Variants in RUFY1 observed in about 807,000 individuals in gnomAD.
RUFY1 encodes RUN and FYVE domain containing 1.
RUFY1 carries 54 observed loss-of-function variants against 94.6 expected under a neutral mutation model. The ratio of observed to expected loss-of-function variants is 0.57; its 90% CI spans 0.46 to 0.72. The LOEUF is 0.72. Among genes scored for constraint, RUFY1 ranks in the 30% least tolerant of loss-of-function variants. The probability of loss-of-function intolerance (pLI) is 0.00; values close to 1 mark genes in which losing one functional copy is unlikely to be tolerated. For synonymous variants in RUFY1, 396 were observed against 347.3 expected (o/e 1.14, Z -1.56); for missense variants, 883 against 883.9 (o/e 1.00, Z 0.01).
intron 2 of RUFY1, among the ~76,000 whole-genome samples, chr5:179,561,697 T>TC (rs1762470732): frequency 1.7e-5 from 2 of 116,030 alleles, no homozygotes; most frequent in Non-Finnish European, 3.7e-5. Context: ...TTTTTTTTTT[T>TC]TTTTTTGAAG....
At chr5:179,584,448 T>C (rs1017302394) in intron 7 of RUFY1, among the ~76,000 whole-genome samples, 1 of 152,140 alleles carries the variant, frequency 6.6e-6, no homozygotes, top group African/African-American at 2.4e-5. Context: ...ATCTACCTCA[T>C]TGAATTGTGG....
intron 7 of RUFY1, among the ~76,000 whole-genome samples, chr5:179,581,343 G>A (rs552289884): frequency 6.6e-6 from 1 of 152,132 alleles, no homozygotes; most frequent in East Asian, 1.9e-4. Flanking sequence ...TCAGCACACA[G>A]CACCCAGTGC....
chr5:179,560,094 T>TG lies in RUFY1; in HGVS notation c.381dup (p.Leu128AlafsTer36), dbSNP rs763659370. ...ATGATGAAACTCAGCATCAAGGTGT[T>TG]GCTCCAGTCGGCTCTGAGCCTGGGC... On this transcript the variant is annotated frameshift_variant, in exon 2 of 18. Transcript: ENST00000319449. LOFTEE classifies it high-confidence loss of function. 6 of 1,614,102 alleles carry TG rather than the reference T, an allele frequency of 3.7e-6. No individual in the cohort carries two copies. The highest frequency in any genetic ancestry group is 1.7e-6 in the Non-Finnish European group (2 of 1,180,016).
At chr5:179,585,086 G>C (rs959018418) in intron 7 of RUFY1, among the ~76,000 whole-genome samples, 1 of 150,984 alleles carries the variant, frequency 6.6e-6, no homozygotes, top group African/African-American at 2.4e-5. Context: ...AGTTGAGCTC[G>C]CGCCACTGCA....
chr5:179,604,790 A>C (rs949822461), intron 15 of RUFY1, among the ~76,000 whole-genome samples: 2 of 148,970 alleles, frequency 1.3e-5, no homozygotes, highest in African/African-American at 5.0e-5. Context: ...AAGACCAGCC[A>C]GGCCAATATG....
intron 1 of RUFY1, 152 bp downstream of exon 1, chr5:179,551,031 G>T (rs1761812908): frequency 3.0e-6 from 2 of 670,340 alleles, no homozygotes; most frequent in South Asian, 6.7e-5. Flanking sequence ...CTGCGCCTGG[G>T]TCTTTACTCC....
At position 179,585,869 on chromosome 5, in the gene RUFY1, T is replaced by C. The variant is rs1450366663; in HGVS notation, c.1026+4T>C. ...TAACTCAAAGCTTCAAGAAGAGGTTTGTAAGTTTTATTGAAATTTTTAGAC... is the reference window on the plus strand; with the variant it reads ...TAACTCAAAGCTTCAAGAAGAGGTTCGTAAGTTTTATTGAAATTTTTAGAC... On this transcript the variant is annotated splice_donor_region_variant and intron_variant, in intron 8 of 17. Transcript: ENST00000319449. 1 of 1,611,310 alleles carries C rather than the reference T, an allele frequency of 6.2e-7. No individual in the cohort carries two copies. The highest frequency in any genetic ancestry group is 8.5e-7 in the Non-Finnish European group (1 of 1,177,482).
At chr5:179,568,988 A>G (rs1010198348) in intron 4 of RUFY1, 1 of 956,560 alleles carries the variant, frequency 1.0e-6, no homozygotes, top group Admixed American at 6.2e-5. Flanking sequence ...ACAGAACAGG[A>G]GCCAGTGGAG....
At chr5:179,596,742 G>A (rs1434439505) in intron 13 of RUFY1, 61 bp downstream of exon 13, 3 of 1,382,880 alleles carry the variant, frequency 2.2e-6, no homozygotes, top group Non-Finnish European at 2.8e-6. Flanking sequence ...GGAAGAACTG[G>A]GGACAGGTGG....
chr5:179,558,637 C>G (rs1762230180), intron 1 of RUFY1, among the ~76,000 whole-genome samples: 1 of 152,004 alleles, frequency 6.6e-6, no homozygotes, highest in African/African-American at 2.4e-5. Flanking sequence ...TTAACCCTCT[C>G]CACAACCAAG....
intron 14 of RUFY1, among the ~76,000 whole-genome samples, chr5:179,600,653 A>C (rs959543087): frequency 1.4e-5 from 2 of 143,742 alleles, no homozygotes; most frequent in Non-Finnish European, 3.0e-5. Flanking sequence ...AAGCTCAAAT[A>C]GGCAAAGCCT....
chr5:179,576,528 C>G (rs1370229554), intron 5 of RUFY1, among the ~76,000 whole-genome samples: 1 of 152,202 alleles, frequency 6.6e-6, no homozygotes, highest in Non-Finnish European at 1.5e-5. Flanking sequence ...TCAAGCGATT[C>G]TCCTGCCTCA....
rs568069009 is a variant in RUFY1 at position 179,554,802 on chromosome 5, C to T, written c.310+3923C>T. Among the ~76,000 whole-genome samples, 25 of 151,716 alleles carry T rather than the reference C, an allele frequency of 1.6e-4. No individual in the cohort carries two copies. In the South Asian group the frequency reaches 5.2e-3, roughly 32 times the overall value. ...GGCCAACATGGTGAAACCCCGTCTC[C>T]ACTAAAAGTACAAAAATTAGATGGG... On this transcript the variant is annotated intron_variant, in intron 1 of 17. Transcript: ENST00000319449.
At chr5:179,563,364 C>G (rs1762587407) in intron 3 of RUFY1, among the ~76,000 whole-genome samples, 1 of 152,166 alleles carries the variant, frequency 6.6e-6, no homozygotes, top group Middle Eastern at 3.2e-3. Context: ...TCTCATTTAT[C>G]TCATTTAATC....
At position 179,591,610 on chromosome 5, in the gene RUFY1, C is replaced by G. The variant is rs201900935; in HGVS notation, c.1129-15C>G. ...ATAAGCAAACAATTCCTCTTGGTGT[C>G]CTTGTTTGATACAGATAACAAAACA... is the stretch of plus-strand genomic sequence containing the variant. On this transcript the variant is annotated splice_polypyrimidine_tract_variant and intron_variant, in intron 9 of 17. Transcript: ENST00000319449. 2.2e-5 allele frequency: 33 copies of G among 1,512,382 alleles called. No individual in the cohort carries two copies. In the East Asian group the frequency reaches 7.5e-4, roughly 34 times the overall value. 93.7% of individuals were successfully genotyped at this position (1,512,382 alleles called of 1,614,324 possible).
chr5:179,564,119 C>CTT (rs59530799), intron 3 of RUFY1, among the ~76,000 whole-genome samples: 3,608 of 133,492 alleles, frequency 0.027, 171 homozygotes, highest in African/African-American at 0.086. Context: ...CTGATGTTTT[C>CTT]TTTTTTTTTT....
intron 6 of RUFY1, among the ~76,000 whole-genome samples, chr5:179,579,546 G>C (rs533109409): frequency 1.2e-3 from 188 of 151,148 alleles, no homozygotes; most frequent in Non-Finnish European, 2.0e-3. Context: ...TGGCCAGGCT[G>C]ATCTCAAACT....
chr5:179,597,689 A>G (rs1765810298), intron 13 of RUFY1, among the ~76,000 whole-genome samples: 1 of 152,074 alleles, frequency 6.6e-6, no homozygotes, highest in African/African-American at 2.4e-5. Context: ...TTTTTGAGAT[A>G]ATATATATGC....
intron 12 of RUFY1, 82 bp downstream of exon 12, chr5:179,595,045 C>CCCTGCACTTTGGAGAGGG: frequency 9.5e-7 from 1 of 1,051,900 alleles, no homozygotes; most frequent in Non-Finnish European, 1.4e-6. Context: ...AGTCCCTCTC[C>CCCTGCACTTTGGAGAGGG]AAAGTGCAGG....
Sources: gnomAD v4.1 joint callset for allele counts (sites outside exome capture counted in the v4.1 genomes callset) on GRCh38, gnomAD v4.1.1 for gene constraint, MANE v1.5 for transcripts, NCBI Gene and HGNC (gene_info 2026-07-23, HGNC 2026-07-21) for gene names.